DMD: variants seen among roughly 807,000 people sequenced by gnomAD.
DMD encodes the protein mutant dystrophin.
A neutral mutation model predicts 330.1 loss-of-function variants in DMD; 63 were observed. The observed-to-expected ratio is 0.19, with a 90% CI of 0.16 to 0.24. DMD has a LOEUF of 0.24. Among genes scored for constraint, DMD ranks in the 10% least tolerant of loss-of-function variants. The probability of loss-of-function intolerance (pLI) is 1.00; values close to 1 mark genes in which losing one functional copy is unlikely to be tolerated. For synonymous variants in DMD, 1,223 were observed against 959.8 expected (o/e 1.27, Z -5.07); for missense variants, 3,344 against 2,684.1 (o/e 1.25, Z -5.43).
intron 44 of DMD, among the ~76,000 whole-genome samples, chrX:32,175,685 G>C (rs1286015559): frequency 3.6e-5 from 4 of 110,756 alleles, no homozygotes; most frequent in Admixed American, 1.9e-4. Context: ...ATATTTCCTA[G>C]CCTTTGTATC....
intron 44 of DMD, among the ~76,000 whole-genome samples, chrX:32,173,674 TA>T (rs1569548614): frequency 8.9e-6 from 1 of 111,981 alleles, no homozygotes; most frequent in Admixed American, 9.5e-5. Context: ...ACCAGCCTCC[TA>T]AAAATTATCT....
chrX:32,729,830 A>C (rs1014557672), intron 7 of DMD, among the ~76,000 whole-genome samples: 1 of 112,140 alleles, frequency 8.9e-6, no homozygotes, highest in Admixed American at 9.5e-5. Flanking sequence ...CAGGGCATTC[A>C]ACATATCTTA....
chrX:31,932,047 C>T, intron 46 of DMD, 33 bp downstream of exon 46: 1 of 1,201,904 alleles, frequency 8.3e-7, no homozygotes, highest in Non-Finnish European at 1.1e-6. Flanking sequence ...TTTATGCAAG[C>T]AGGCCCTGGG....
intron 15 of DMD, among the ~76,000 whole-genome samples, chrX:32,568,462 A>G (rs2052008835): frequency 1.9e-5 from 2 of 108,070 alleles, no homozygotes; most frequent in South Asian, 8.3e-4. Context: ...AGCCGAGATC[A>G]CACCACTGCA....
chrX:31,220,936 C>T (rs867390633), intron 64 of DMD, among the ~76,000 whole-genome samples: 9 of 74,933 alleles, frequency 1.2e-4, no homozygotes, highest in Admixed American at 7.7e-4. Flanking sequence ...CATCAGCTAC[C>T]GTTAGCGTTA....
Position 31,214,937 on chromosome X carries a change from C to CTTTTTTCTTTTTTTTTTTT in DMD, c.9362-5239_9362-5238insAAAAAAAAAAAAGAAAAAA, listed in dbSNP as rs1556299261. Among the ~76,000 whole-genome samples the CTTTTTTCTTTTTTTTTTTT allele has an allele frequency of 1.8e-4, 7 of 38,099 alleles. No homozygotes were observed. In the East Asian group the frequency reaches 3.1e-3, roughly 17 times the overall value. 33.1% of individuals were successfully genotyped at this position (38,099 alleles called of 115,157 possible). On this transcript the variant is annotated intron_variant, in intron 64 of 78. Coordinates refer to ENST00000357033, the MANE Select transcript of DMD (RefSeq NM_004006.3). ...AAAGATACTTTTTTATTTCTTTTTT[C>CTTTTTTCTTTTTTTTTTTT]TTTTTTTTTTTTTTTTTTTTTTGAG...
chrX:31,590,506 C>T (rs190131528), intron 55 of DMD, among the ~76,000 whole-genome samples: 25 of 111,339 alleles, frequency 2.2e-4, no homozygotes, highest in Admixed American at 2.0e-3. Context: ...TAGTGTACCC[C>T]ATGCATGATC....
chrX:32,765,892 A>G (rs1006604146), intron 7 of DMD, among the ~76,000 whole-genome samples: 1 of 111,716 alleles, frequency 9.0e-6, no homozygotes, highest in African/African-American at 3.3e-5. Flanking sequence ...TGTGTATTTT[A>G]TAAGAGTCCA....
At chrX:33,266,245 G>A (rs1273048935) in intron 1 of DMD, among the ~76,000 whole-genome samples, 1 of 111,519 alleles carries the variant, frequency 9.0e-6, no homozygotes, top group African/African-American at 3.3e-5. Flanking sequence ...AGCTGACAAG[G>A]CTGGCAATAA....
intron 44 of DMD, among the ~76,000 whole-genome samples, chrX:32,015,718 C>G (rs1374161014): frequency 8.9e-6 from 1 of 111,980 alleles, no homozygotes; most frequent in African/African-American, 3.2e-5. Flanking sequence ...ATTAGAGAAA[C>G]AAGTACATAA....
At chrX:32,566,905 C>A (rs1057475292) in intron 15 of DMD, among the ~76,000 whole-genome samples, 7 of 112,029 alleles carry the variant, frequency 6.2e-5, no homozygotes, top group South Asian at 3.7e-4. Context: ...CCATATTTGG[C>A]AGCAAATACA....
At chrX:32,055,989 A>C (rs1222965146) in intron 44 of DMD, among the ~76,000 whole-genome samples, 1 of 111,325 alleles carries the variant, frequency 9.0e-6, no homozygotes, top group East Asian at 2.8e-4. Context: ...TGATAACATG[A>C]ATGTCCTTAC....
chrX:31,487,657 A>G (rs2068924693), intron 57 of DMD, among the ~76,000 whole-genome samples: 1 of 110,619 alleles, frequency 9.0e-6, no homozygotes, highest in African/African-American at 3.3e-5. Context: ...CCATTTTTCT[A>G]CTCTCTGCTT....
At chrX:32,060,858 G>A (rs1008218087) in intron 44 of DMD, among the ~76,000 whole-genome samples, 3 of 111,303 alleles carry the variant, frequency 2.7e-5, no homozygotes, top group Non-Finnish European at 5.7e-5. Flanking sequence ...GGATGGGACA[G>A]TGGTTGAAAA....
At chrX:32,920,074 A>G (rs1480687574) in intron 2 of DMD, among the ~76,000 whole-genome samples, 2 of 110,530 alleles carry the variant, frequency 1.8e-5, no homozygotes, top group African/African-American at 6.6e-5. Context: ...TGATACATCA[A>G]CCTCCGTCCT....
intron 7 of DMD, among the ~76,000 whole-genome samples, chrX:32,726,437 G>A (rs1344882483): frequency 9.0e-6 from 1 of 110,949 alleles, no homozygotes; most frequent in African/African-American, 3.3e-5. Context: ...ACTCTCATTT[G>A]GACTGCTTCC....
At chrX:32,955,904 G>A (rs150348316) in intron 2 of DMD, among the ~76,000 whole-genome samples, 1 of 111,870 alleles carries the variant, frequency 8.9e-6, no homozygotes, top group African/African-American at 3.2e-5. Context: ...CCATGTGTCT[G>A]TTCTTGTACC....
chrX:31,178,927 C>A, intron 69 of DMD, 122 bp from the exon 70 acceptor site: 2 of 909,875 alleles, frequency 2.2e-6, no homozygotes, highest in East Asian at 6.6e-5. Context: ...TGGTTGTGAG[C>A]AAAGGCTTTG....
At chrX:32,894,587 G>A (rs191116016) in intron 2 of DMD, among the ~76,000 whole-genome samples, 1 of 112,605 alleles carries the variant, frequency 8.9e-6, no homozygotes, top group South Asian at 3.6e-4. Flanking sequence ...GCCTCAATCC[G>A]CTGTATGTAT....
Sources: allele counts gnomAD v4.1 joint callset (sites outside exome capture counted in the v4.1 genomes callset), GRCh38; gene constraint gnomAD v4.1.1; transcripts MANE v1.5; gene names NCBI Gene and HGNC (gene_info 2026-07-23, HGNC 2026-07-21).